Variants in IFT27 observed in about 807,000 individuals in gnomAD.
The protein encoded by IFT27 is intraflagellar transport protein 27 homolog.
Under a neutral mutation model 23.9 loss-of-function variants are expected in IFT27, and 19 were observed. That is an observed-to-expected ratio of 0.79 (90% CI 0.55 to 1.16). IFT27 has a LOEUF of 1.16. Among genes scored for constraint, IFT27 ranks in the 50% most tolerant of loss-of-function variants. The pLI, the probability that IFT27 is intolerant of heterozygous loss-of-function variation, is 0.00. For missense variants in IFT27, 206 were observed against 228.7 expected, an observed-to-expected ratio of 0.90 and a Z score of 0.64; for synonymous variants, 91 against 89.1, an observed-to-expected ratio of 1.02 and a Z score of -0.12.
chr22:36,763,223 C>G (rs968264836), intron 5 of IFT27: 1 of 437,976 alleles, frequency 2.3e-6, no homozygotes, highest in Admixed American at 4.1e-5. Context: ...GCTTTTCATG[C>G]ACAACTTCTG....
At chr22:36,767,735 C>A (rs752868951) in intron 2 of IFT27, 48 bp downstream of exon 2, 2 of 1,508,902 alleles carry the variant, frequency 1.3e-6, no homozygotes, top group Admixed American at 3.3e-5. Context: ...CATGGTGAAC[C>A]GAGCACTTCT....
chr22:36,769,264 G>C (rs1938339616), intron 1 of IFT27, among the ~76,000 whole-genome samples: 1 of 152,172 alleles, frequency 6.6e-6, no homozygotes, highest in Admixed American at 6.5e-5. Flanking sequence ...CAGATGAAGA[G>C]ACTGAGGCTC....
chr22:36,768,902 C>T (rs148130136), intron 1 of IFT27, among the ~76,000 whole-genome samples: 64 of 152,332 alleles, frequency 4.2e-4, no homozygotes, highest in African/African-American at 1.4e-3. Flanking sequence ...ATCAGCACCG[C>T]CCTCCGCGGC....
intron 2 of IFT27, 56 bp from the exon 3 acceptor site, chr22:36,767,421 T>A: frequency 1.3e-6 from 2 of 1,512,176 alleles, no homozygotes; most frequent in Non-Finnish European, 1.8e-6. Context: ...GAGAGCATGT[T>A]ACAGGAGGAC....
intron 3 of IFT27, 43 bp from the exon 4 acceptor site, chr22:36,766,240 A>G: frequency 1.3e-6 from 2 of 1,547,656 alleles, no homozygotes; most frequent in Non-Finnish European, 1.8e-6. Context: ...TGGAAAAACC[A>G]CAAGCTACGA....
intron 4 of IFT27, among the ~76,000 whole-genome samples, 185 bp downstream of exon 4, chr22:36,765,953 G>C (rs1458095258): frequency 1.3e-5 from 2 of 152,192 alleles, no homozygotes; most frequent in African/African-American, 4.8e-5. Context: ...GCAGTCACAC[G>C]CATCAGCCAC....
intron 6 of IFT27, chr22:36,760,197 A>G (rs1208042458): frequency 6.6e-6 from 1 of 152,292 alleles, no homozygotes; most frequent in African/African-American, 2.4e-5. Context: ...GTGTCGGGGT[A>G]AAACACTGCT....
chr22:36,774,871 C>T (rs5750306), intron 1 of IFT27, among the ~76,000 whole-genome samples: 90,729 of 151,868 alleles, frequency 0.6, 30,466 homozygotes, highest in East Asian at 0.86. Flanking sequence ...TATGGTGAGA[C>T]GATTACATGA....
chr22:36,758,422 T>G lies in IFT27; in HGVS notation c.463-13A>C, dbSNP rs777805137. The G allele has an allele frequency of 6.2e-7, 1 of 1,606,986 alleles. No individual in the cohort carries two copies. The highest frequency in any genetic ancestry group is 1.3e-5 in the African/African-American group (1 of 74,720). ...TTTCCATCTCTTTCTGGAAAGACAG[T>G]TTAAAAAGTTGGCTGTGTTCTTTTA... On this transcript the variant is annotated splice_polypyrimidine_tract_variant and intron_variant, in intron 6 of 6. Transcript: ENST00000433985.
At chr22:36,773,926 C>T (rs984182028) in intron 1 of IFT27, among the ~76,000 whole-genome samples, 1 of 152,154 alleles carries the variant, frequency 6.6e-6, no homozygotes, top group East Asian at 1.9e-4. Flanking sequence ...AGAGCTGATG[C>T]ACCCAAAGCG....
At chr22:36,769,801 A>G (rs746630334) in intron 1 of IFT27, among the ~76,000 whole-genome samples, 1 of 151,918 alleles carries the variant, frequency 6.6e-6, no homozygotes, top group Non-Finnish European at 1.5e-5. Context: ...CGCCCTCCCA[A>G]CTTCAGCTCT....
chr22:36,775,260 G>A (rs76067037), intron 1 of IFT27, among the ~76,000 whole-genome samples: 6 of 151,890 alleles, frequency 4.0e-5, no homozygotes, highest in Non-Finnish European at 7.4e-5. Context: ...GAGGTCGGGG[G>A]AAAAATCCCA....
intron 5 of IFT27, chr22:36,763,225 C>T (rs917077195): frequency 4.6e-6 from 2 of 437,570 alleles, no homozygotes; most frequent in African/African-American, 4.0e-5. Flanking sequence ...TTTTCATGCA[C>T]AACTTCTGCT....
chr22:36,765,869 G>A (rs542613313), intron 4 of IFT27, among the ~76,000 whole-genome samples: 3 of 152,248 alleles, frequency 2.0e-5, no homozygotes, highest in African/African-American at 7.2e-5. Context: ...GGCCTCACAG[G>A]GGGAGGGCTG....
At chr22:36,761,418 A>G (rs543207181) in intron 6 of IFT27, 4 of 152,322 alleles carry the variant, frequency 2.6e-5, no homozygotes, top group Non-Finnish European at 5.9e-5. Flanking sequence ...GGCTTCATTA[A>G]TTTAGCATTT....
At chr22:36,766,628 A>T (rs1026908644) in intron 3 of IFT27, among the ~76,000 whole-genome samples, 1 of 152,198 alleles carries the variant, frequency 6.6e-6, no homozygotes, top group Non-Finnish European at 1.5e-5. Context: ...AGGCCTGGGG[A>T]AGGTGTTTAA....
At chr22:36,761,548 A>G (rs1301717276) in intron 6 of IFT27, 1 of 152,254 alleles carries the variant, frequency 6.6e-6, no homozygotes, top group Non-Finnish European at 1.5e-5. Flanking sequence ...ACTTTAAGAA[A>G]GCTAACATCT....
rs766968366 is a variant in IFT27 at position 36,776,109 on chromosome 22, A to C, written c.-402T>G. 1 of 235,334 alleles carries C rather than the reference A, an allele frequency of 4.2e-6. No individual in the cohort carries two copies. 14.6% of individuals were successfully genotyped at this position (235,334 alleles called of 1,614,324 possible). A position where few individuals can be genotyped will look rare whatever the true frequency, so the allele number is the denominator to read the frequency against. ...CCGGATGCACTCTCCAAGCAACCAT[A>C]GCCCACCTGCCCCGCCTCCTCCTCC... On this transcript the variant is annotated 5_prime_UTR_variant, in exon 1 of 7. Coordinates refer to ENST00000433985, the MANE Select transcript of IFT27 (RefSeq NM_001177701.3).
At position 36,762,950 on chromosome 22, in the gene IFT27, C is replaced by T. The variant is rs759899864; in HGVS notation, c.416G>A (p.Arg139Gln). The T allele has an allele frequency of 2.1e-5, 33 of 1,599,174 alleles. No individual in the cohort carries two copies. Among genetic ancestry groups the T allele is most frequent in the South Asian group, 1.9e-4 (17 of 88,338 alleles). Residue 139 changes from arginine (R) to glutamine (Q), a missense_variant, in exon 6 of 7, where the codon CGG (arginine) becomes CAG (glutamine). Transcript: ENST00000433985. ...GRRAVDSAEA[R>Q]AWALGQGLEC... is the part of the protein sequence containing the mutation. ...CAGGCCCTGGCCCAGCGCCCATGCCCGGGCCTCAGCTGAGTCCACTGCTCG... is the reference window on the plus strand; with the variant it reads ...CAGGCCCTGGCCCAGCGCCCATGCCTGGGCCTCAGCTGAGTCCACTGCTCG...
Sources: allele counts gnomAD v4.1 joint callset (sites outside exome capture counted in the v4.1 genomes callset), GRCh38; gene constraint gnomAD v4.1.1; transcripts MANE v1.5; gene names NCBI Gene and HGNC (gene_info 2026-07-23, HGNC 2026-07-21).